The following C12orf56 variants were observed in gnomAD, a reference collection of about 807,000 sequenced individuals.
The protein encoded by C12orf56 is uncharacterized protein C12orf56.
Under a neutral mutation model 69.9 loss-of-function variants are expected in C12orf56, and 71 were observed. The observed-to-expected ratio is 1.02, with a 90% CI of 0.84 to 1.24. C12orf56 has a LOEUF of 1.24. Ranked by LOEUF, C12orf56 falls within the 50% of genes most tolerant of loss-of-function variation. The pLI, the probability that C12orf56 is intolerant of heterozygous loss-of-function variation, is 0.00. For missense variants in C12orf56, 732 were observed against 738.5 expected, an observed-to-expected ratio of 0.99 and a Z score of 0.10; for synonymous variants, 276 against 274.1, an observed-to-expected ratio of 1.01 and a Z score of -0.07.
intron 6 of C12orf56, among the ~76,000 whole-genome samples, chr12:64,294,422 A>G (rs998940035): frequency 6.6e-6 from 1 of 152,228 alleles, no homozygotes; most frequent in Non-Finnish European, 1.5e-5. Context: ...CATCTAAAAC[A>G]TGGAAGCAAC....
chr12:64,275,250 T>C (rs2038036274), intron 10 of C12orf56, 48 bp downstream of exon 10: 1 of 894,484 alleles, frequency 1.1e-6, no homozygotes, highest in African/African-American at 1.7e-5. Context: ...AGTCATGTAA[T>C]TTATAGTTAC....
Position 64,275,456 on chromosome 12 carries a change from T to C in C12orf56, c.1435-84A>G, listed in dbSNP as rs1048540189. On this transcript the variant is annotated intron_variant, in intron 9 of 12. Coordinates refer to ENST00000543942, the MANE Select transcript of C12orf56 (RefSeq NM_001170633.2). The stretch of plus-strand genomic sequence containing the variant: ...TCCCATGGTTCCCTTTAGGTACTTA[T>C]ACAATAAACTTTCTCTTTTTTTTGA... 6.8e-5 allele frequency: 41 copies of C among 598,988 alleles called. 1 individual carries two copies. The South Asian group carries it at 1.2e-3, about 18-fold the overall frequency. 37.1% of individuals were successfully genotyped at this position (598,988 alleles called of 1,614,324 possible).
chr12:64,271,680 A>G (rs4763144), intron 11 of C12orf56, among the ~76,000 whole-genome samples: 106,880 of 152,098 alleles, frequency 0.7, 38,754 homozygotes, highest in Non-Finnish European at 0.8. Context: ...GACCATTTAC[A>G]TGTGTTGACA....
At chr12:64,364,262 A>G (rs1439031410) in intron 1 of C12orf56, among the ~76,000 whole-genome samples, 1 of 152,128 alleles carries the variant, frequency 6.6e-6, no homozygotes, top group Non-Finnish European at 1.5e-5. Context: ...CAGCCTGGGC[A>G]ATGAGAGTGA....
At chr12:64,296,695 G>C (rs547391506) in intron 6 of C12orf56, among the ~76,000 whole-genome samples, 70 of 152,300 alleles carry the variant, frequency 4.6e-4, no homozygotes, top group African/African-American at 1.5e-3. Flanking sequence ...GCTGTAGTCT[G>C]AATGTGTCCC....
At chr12:64,276,402 A>G (rs1379418408) in intron 9 of C12orf56, among the ~76,000 whole-genome samples, 1 of 152,126 alleles carries the variant, frequency 6.6e-6, no homozygotes, top group East Asian at 1.9e-4. Flanking sequence ...TGGTCAAGGA[A>G]TGCTTCCCTC....
At chr12:64,285,602 A>C (rs1034809987) in intron 7 of C12orf56, among the ~76,000 whole-genome samples, 3 of 152,172 alleles carry the variant, frequency 2.0e-5, no homozygotes, top group African/African-American at 4.8e-5. Context: ...AGCCTGGCCA[A>C]TGTGGTGAAA....
At chr12:64,372,758 G>C (rs1336832216) in intron 1 of C12orf56, among the ~76,000 whole-genome samples, 1 of 151,926 alleles carries the variant, frequency 6.6e-6, no homozygotes, top group Non-Finnish European at 1.5e-5. Flanking sequence ...CAGGTGATCC[G>C]CCCACCTCAG....
At chr12:64,308,948 A>AAAGAAAGAAAG (rs2038566079) in intron 5 of C12orf56, among the ~76,000 whole-genome samples, 2 of 52,050 alleles carry the variant, frequency 3.8e-5, no homozygotes, top group East Asian at 1.1e-3. Context: ...AAGAAGAAAG[A>AAAGAAAGAAAG]AAGAAAGAAA....
intron 1 of C12orf56, among the ~76,000 whole-genome samples, chr12:64,387,068 A>G (rs2039801714): frequency 8.7e-6 from 1 of 114,812 alleles, no homozygotes; most frequent in Non-Finnish European, 1.7e-5. Flanking sequence ...ACAGAGCGAG[A>G]CTCTATCTCA....
At chr12:64,361,803 G>C (rs531540903) in intron 1 of C12orf56, among the ~76,000 whole-genome samples, 5 of 152,066 alleles carry the variant, frequency 3.3e-5, no homozygotes, top group Admixed American at 3.3e-4. Context: ...CACAATCTCG[G>C]CTCACCGCAA....
intron 2 of C12orf56, among the ~76,000 whole-genome samples, chr12:64,331,811 C>A (rs548378246): frequency 5.9e-5 from 9 of 152,232 alleles, no homozygotes; most frequent in African/African-American, 2.2e-4. Context: ...TTATAAATTA[C>A]CTAGTCTAAG....
chr12:64,319,847 C>G (rs2038747462), intron 3 of C12orf56, among the ~76,000 whole-genome samples: 1 of 152,244 alleles, frequency 6.6e-6, no homozygotes, highest in African/African-American at 2.4e-5. Context: ...GCAACAGCTA[C>G]ACTCTTTGGG....
At chr12:64,295,230 C>A (rs1435179303) in intron 6 of C12orf56, among the ~76,000 whole-genome samples, 1 of 152,188 alleles carries the variant, frequency 6.6e-6, no homozygotes, top group Admixed American at 6.5e-5. Flanking sequence ...TTTATCTACT[C>A]ATTTATTCAT....
At chr12:64,284,589 G>A (rs796281260) in intron 8 of C12orf56, 75 bp downstream of exon 8, 8 of 1,061,998 alleles carry the variant, frequency 7.5e-6, no homozygotes, top group African/African-American at 6.5e-5. Flanking sequence ...AGAATTATGT[G>A]CTTTGGAAGA....
chr12:64,367,804 CTCTT>C (rs1283963819), intron 1 of C12orf56, among the ~76,000 whole-genome samples: 2 of 144,540 alleles, frequency 1.4e-5, no homozygotes, highest in Non-Finnish European at 3.0e-5. Context: ...GTGCCAGGCA[CTCTT>C]TCTTTTTTTT....
At chr12:64,313,820 G>A (rs536628308) in intron 4 of C12orf56, among the ~76,000 whole-genome samples, 32 of 151,500 alleles carry the variant, frequency 2.1e-4, no homozygotes, top group South Asian at 1.3e-3. Flanking sequence ...CAAGGTGGGC[G>A]GATCACGAGG....
At chr12:64,351,679 C>T (rs1032584124) in intron 2 of C12orf56, among the ~76,000 whole-genome samples, 7 of 152,088 alleles carry the variant, frequency 4.6e-5, no homozygotes, top group Admixed American at 3.9e-4. Context: ...GTCCCTGAGA[C>T]TCAGGGATAC....
chr12:64,346,980 A>AT (rs71092960), intron 2 of C12orf56, among the ~76,000 whole-genome samples: 2,957 of 149,294 alleles, frequency 0.02, 95 homozygotes, highest in African/African-American at 0.068. Flanking sequence ...ATCTAGTTAC[A>AT]TTTTTTTTTT....
Sources: gnomAD v4.1 joint callset for allele counts (sites outside exome capture counted in the v4.1 genomes callset) on GRCh38, gnomAD v4.1.1 for gene constraint, MANE v1.5 for transcripts, NCBI Gene and HGNC (gene_info 2026-07-23, HGNC 2026-07-21) for gene names.